RALGPS2: variants seen among roughly 807,000 people sequenced by gnomAD.
The protein encoded by RALGPS2 is Ral GEF with PH domain and SH3 binding motif 2.
A neutral mutation model predicts 86.8 loss-of-function variants in RALGPS2; 43 were observed. That is an observed-to-expected ratio of 0.50 (90% CI 0.39 to 0.64). The LOEUF is 0.64. RALGPS2 is among the 30% of genes least tolerant of loss of function. RALGPS2 has a pLI of 0.00. For missense variants in RALGPS2, 536 were observed against 694.6 expected (o/e 0.77, Z 2.57); for synonymous variants, 243 against 231.3 (o/e 1.05, Z -0.46).
At chr1:178,821,850 C>A in intron 7 of RALGPS2, 146 bp downstream of exon 7, 1 of 701,220 alleles carries the variant, frequency 1.4e-6, no homozygotes, top group Non-Finnish European at 2.3e-6. Context: ...TCTTTGATAC[C>A]TACATTTTTT....
chr1:178,907,694 T>A (rs1436431308), intron 19 of RALGPS2, among the ~76,000 whole-genome samples: 1 of 152,246 alleles, frequency 6.6e-6, no homozygotes, highest in Non-Finnish European at 1.5e-5. Context: ...ATCATTGACT[T>A]AGCATATTGA....
chr1:178,772,507 T>G (rs552963795), intron 1 of RALGPS2, among the ~76,000 whole-genome samples: 103 of 152,356 alleles, frequency 6.8e-4, no homozygotes, highest in African/African-American at 2.2e-3. Context: ...TAGTGAACTT[T>G]CTGTACAGGA....
In RALGPS2 at chr1:178,878,927, A is replaced by G. The variant is rs6681891; in HGVS notation, c.771A>G (p.Gln257=). 975 of 1,612,448 alleles carry G rather than the reference A, an allele frequency of 6.0e-4. 2 individuals carry two copies. In the African/African-American group the frequency reaches 6.2e-3, roughly 10 times the overall value. The stretch of plus-strand genomic sequence containing the variant: ...ATATTCCCATGTTGCCTCATGTCCA[A>G]AAATATCTCAACTCTGTTCAGTATA... The part of the protein sequence containing the change: ...EYDIPMLPHV[Q]KYLNSVQYIE... Residue 257 remains glutamine, a synonymous_variant, in exon 10 of 20, where the codon CAA becomes CAG. Transcript: ENST00000367635.
At chr1:178,848,479 G>C (rs114696013) in intron 8 of RALGPS2, among the ~76,000 whole-genome samples, 3,048 of 152,174 alleles carry the variant, frequency 0.02, 42 homozygotes, top group Middle Eastern at 0.037. Context: ...GAGCTAACCT[G>C]GTCTTTCACA....
chr1:178,743,988 A>C (rs1651173038), intron 1 of RALGPS2, among the ~76,000 whole-genome samples: 1 of 152,204 alleles, frequency 6.6e-6, no homozygotes, highest in African/African-American at 2.4e-5. Flanking sequence ...GTAGAGGAAG[A>C]AGTACTTCCT....
chr1:178,833,471 A>G lies in RALGPS2; in HGVS notation c.528A>G (p.Val176=), dbSNP rs767699814. The part of the protein sequence containing the change: ...DKTTFEKLEY[V]MSKEDNYKRL... Reference sequence around the variant, plus strand: ...CTACCTTTGAAAAATTAGAATATGTAATGAGTAAAGAAGATAACTACAAAA... The same window carrying G: ...CTACCTTTGAAAAATTAGAATATGTGATGAGTAAAGAAGATAACTACAAAA... Residue 176 remains valine (V), a synonymous_variant, in exon 8 of 20, where the codon GTA becomes GTG. Coordinates refer to ENST00000367635, the MANE Select transcript of RALGPS2 (RefSeq NM_152663.5). The G allele has an allele frequency of 1.3e-6, 2 of 1,527,238 alleles. No individual in the cohort carries two copies. The highest frequency in any genetic ancestry group is 2.6e-5 in the East Asian group (1 of 38,528). The allele number at this position is 1,527,238 out of a possible 1,614,324, so 94.6% of individuals were successfully genotyped here. A position where few individuals can be genotyped will look rare whatever the true frequency, so the allele number is the denominator to read the frequency against.
At chr1:178,900,571 G>A (rs532061414) in intron 17 of RALGPS2, among the ~76,000 whole-genome samples, 13 of 151,840 alleles carry the variant, frequency 8.6e-5, no homozygotes, top group Non-Finnish European at 1.9e-4. Context: ...TTTTGAACAA[G>A]TGCACAAAGA....
At chr1:178,802,634 A>G (rs1654534361) in intron 4 of RALGPS2, among the ~76,000 whole-genome samples, 1 of 152,216 alleles carries the variant, frequency 6.6e-6, no homozygotes, top group Non-Finnish European at 1.5e-5. Flanking sequence ...GAGCAACACG[A>G]GGTGGGTACA....
At chr1:178,853,028 A>C (rs1393652550) in intron 8 of RALGPS2, 2 of 1,513,974 alleles carry the variant, frequency 1.3e-6, no homozygotes, top group African/African-American at 2.8e-5. Context: ...GCAGTGTTAA[A>C]CATTCGATAG....
chr1:178,801,627 T>A (rs1338971475), intron 4 of RALGPS2, among the ~76,000 whole-genome samples: 1 of 152,132 alleles, frequency 6.6e-6, no homozygotes, highest in East Asian at 1.9e-4. Context: ...CATCATTAAT[T>A]TAATGGAAAA....
chr1:178,861,702 A>G (rs1394955386), intron 8 of RALGPS2, among the ~76,000 whole-genome samples: 1 of 152,226 alleles, frequency 6.6e-6, no homozygotes, highest in African/African-American at 2.4e-5. Context: ...ATGTTTATTT[A>G]TAACTTACGT....
chr1:178,825,480 C>T (rs1655704890), intron 7 of RALGPS2, among the ~76,000 whole-genome samples: 1 of 151,994 alleles, frequency 6.6e-6, no homozygotes, highest in African/African-American at 2.4e-5. Context: ...AGCAGAAGTC[C>T]AGAAACTAAG....
chr1:178,868,255 C>T (rs975843666), intron 8 of RALGPS2, among the ~76,000 whole-genome samples: 2 of 151,732 alleles, frequency 1.3e-5, no homozygotes, highest in African/African-American at 4.8e-5. Flanking sequence ...TATTATATCT[C>T]CAGATTCGTG....
rs1393696543 is a variant in RALGPS2, at chr1:178,919,756, T to C, written c.*3397T>C. On this transcript the variant is annotated 3_prime_UTR_variant, in exon 20 of 20. Transcript: ENST00000367635. ...ATGAATAGATCTGGTATTGATTTCC[T>C]TCCTGTTTTTTTGAGGCACATTCCT... 1.3e-5 allele frequency: 2 copies of C among 152,084 alleles called. No homozygotes were observed. The highest frequency in any genetic ancestry group is 2.9e-5 in the Non-Finnish European group (2 of 67,944). 9.4% of individuals were successfully genotyped at this position (152,084 alleles called of 1,614,324 possible).
At chr1:178,819,946 G>A (rs895808944) in intron 6 of RALGPS2, among the ~76,000 whole-genome samples, 1 of 152,146 alleles carries the variant, frequency 6.6e-6, no homozygotes, top group East Asian at 1.9e-4. Context: ...CTTACCCAAA[G>A]CATTTGGGGC....
At chr1:178,906,990 T>C (rs1312926171) in intron 19 of RALGPS2, 123 bp downstream of exon 19, 5 of 812,072 alleles carry the variant, frequency 6.2e-6, no homozygotes, top group Non-Finnish European at 9.8e-6. Context: ...TTTATTCTTG[T>C]TGATTACAGT....
chr1:178,836,233 C>A (rs1656267010), intron 8 of RALGPS2, among the ~76,000 whole-genome samples: 1 of 152,160 alleles, frequency 6.6e-6, no homozygotes, highest in Non-Finnish European at 1.5e-5. Context: ...TCTGTCTCAG[C>A]CCCCGACCTG....
intron 19 of RALGPS2, 82 bp downstream of exon 19, chr1:178,906,949 G>A (rs149379301): frequency 8.2e-7 from 1 of 1,225,172 alleles, no homozygotes; most frequent in Non-Finnish European, 1.2e-6. Context: ...AAACAGACTA[G>A]TTCTGAATTA....
intron 4 of RALGPS2, among the ~76,000 whole-genome samples, chr1:178,804,608 C>T (rs1654648619): frequency 9.0e-6 from 1 of 111,650 alleles, no homozygotes; most frequent in African/African-American, 3.5e-5. Flanking sequence ...GACATGAACT[C>T]ATCATTTTTT....
Sources: gnomAD v4.1 joint callset for allele counts (sites outside exome capture counted in the v4.1 genomes callset) on GRCh38, gnomAD v4.1.1 for gene constraint, MANE v1.5 for transcripts, NCBI Gene and HGNC (gene_info 2026-07-23, HGNC 2026-07-21) for gene names.